GRB14: variants seen among roughly 807,000 people sequenced by gnomAD.
The protein encoded by GRB14 is growth factor receptor-bound protein 14.
A neutral mutation model predicts 69.1 loss-of-function variants in GRB14; 38 were observed. That is an observed-to-expected ratio of 0.55 (90% confidence interval 0.42 to 0.72). The LOEUF (loss-of-function observed/expected upper bound fraction) is 0.72, where lower values mean the gene tolerates loss of function less well. Ranked by LOEUF, GRB14 falls within the 30% of genes least tolerant of loss-of-function variation. The probability of loss-of-function intolerance (pLI) is 0.00; values close to 1 mark genes in which losing one functional copy is unlikely to be tolerated. For synonymous variants in GRB14, 247 were observed against 241.3 expected, an observed-to-expected ratio of 1.02 and a Z score of -0.22; for missense variants, 666 against 666.1, an observed-to-expected ratio of 1.00 and a Z score of 0.00.
intron 1 of GRB14, among the ~76,000 whole-genome samples, chr2:164,620,389 C>T (rs1690426765): frequency 6.6e-6 from 1 of 151,848 alleles, no homozygotes; most frequent in Non-Finnish European, 1.5e-5. Context: ...TTTTCAAGCG[C>T]TTATAGATAT....
intron 3 of GRB14, among the ~76,000 whole-genome samples, chr2:164,530,630 G>A (rs1236411732): frequency 3.3e-5 from 5 of 151,500 alleles, no homozygotes; most frequent in African/African-American, 1.2e-4. Flanking sequence ...GAGAGGAGAA[G>A]CAAGAAAAAA....
At chr2:164,573,880 T>A (rs558727774) in intron 2 of GRB14, 448 of 1,612,708 alleles carry the variant, frequency 2.8e-4, no homozygotes, top group Non-Finnish European at 3.6e-4. Flanking sequence ...CAAGACTGGA[T>A]GCCAAGATTG....
chr2:164,550,269 C>T (rs1688501474), intron 2 of GRB14, among the ~76,000 whole-genome samples: 1 of 152,088 alleles, frequency 6.6e-6, no homozygotes, highest in African/African-American at 2.4e-5. Flanking sequence ...ACTACAAAGG[C>T]CTAGAGGAAA....
chr2:164,543,890 T>C (rs900462312), intron 3 of GRB14, among the ~76,000 whole-genome samples: 3 of 152,240 alleles, frequency 2.0e-5, no homozygotes, highest in East Asian at 3.8e-4. Context: ...CTGAGGAAGA[T>C]GACAGTACCT....
At chr2:164,580,187 C>T (rs1338981599) in intron 2 of GRB14, among the ~76,000 whole-genome samples, 2 of 151,590 alleles carry the variant, frequency 1.3e-5, no homozygotes, top group African/African-American at 4.8e-5. Context: ...CTCTGCCTCC[C>T]GGGTTCAAGT....
intron 2 of GRB14, among the ~76,000 whole-genome samples, chr2:164,557,220 G>A (rs1441472355): frequency 6.6e-6 from 1 of 152,164 alleles, no homozygotes; most frequent in African/African-American, 2.4e-5. Flanking sequence ...ACTAAATGGA[G>A]AGCAGAAGGG....
intron 3 of GRB14, among the ~76,000 whole-genome samples, chr2:164,540,869 GT>G (rs1279220991): frequency 3.3e-5 from 5 of 152,174 alleles, no homozygotes; most frequent in Non-Finnish European, 7.3e-5. Flanking sequence ...TTGCTAAACT[GT>G]TTGGGTAACG....
intron 2 of GRB14, among the ~76,000 whole-genome samples, chr2:164,577,000 C>A (rs1689266871): frequency 6.6e-6 from 1 of 151,788 alleles, no homozygotes; most frequent in African/African-American, 2.4e-5. Flanking sequence ...ACTACTTCCC[C>A]CAATTTTATG....
chr2:164,570,626 A>G (rs1379120905), intron 2 of GRB14, among the ~76,000 whole-genome samples: 1 of 152,168 alleles, frequency 6.6e-6, no homozygotes, highest in Non-Finnish European at 1.5e-5. Context: ...TGAAAAGTGA[A>G]TAGAGGTGAG....
intron 3 of GRB14, among the ~76,000 whole-genome samples, chr2:164,542,895 C>T (rs1688275891): frequency 1.3e-5 from 2 of 152,180 alleles, no homozygotes; most frequent in Non-Finnish European, 1.5e-5. Context: ...ACTGGGCATA[C>T]ATCCAAAATA....
intron 5 of GRB14, among the ~76,000 whole-genome samples, chr2:164,523,732 A>G (rs919716555): frequency 6.6e-6 from 1 of 152,148 alleles, no homozygotes; most frequent in Non-Finnish European, 1.5e-5. Context: ...AAACCTTTTA[A>G]AAAGGGGAAA....
At chr2:164,574,724 G>A (rs1431385625) in intron 2 of GRB14, among the ~76,000 whole-genome samples, 4 of 152,052 alleles carry the variant, frequency 2.6e-5, no homozygotes, top group Admixed American at 2.6e-4. Flanking sequence ...AGGATGGCTT[G>A]AGGTCAAGGA....
chr2:164,611,165 T>C (rs1449323412), intron 2 of GRB14, among the ~76,000 whole-genome samples: 1 of 152,208 alleles, frequency 6.6e-6, no homozygotes, highest in Non-Finnish European at 1.5e-5. Flanking sequence ...GAGAGTCCTG[T>C]CAAAGGAAGA....
chr2:164,514,968 T>C (rs1687441351), intron 6 of GRB14, among the ~76,000 whole-genome samples: 1 of 152,150 alleles, frequency 6.6e-6, no homozygotes, highest in Non-Finnish European at 1.5e-5. Flanking sequence ...ACCTGTATGA[T>C]GCAGCAGAGG....
intron 3 of GRB14, among the ~76,000 whole-genome samples, chr2:164,529,939 C>G (rs1428929168): frequency 6.6e-6 from 1 of 152,172 alleles, no homozygotes; most frequent in African/African-American, 2.4e-5. Flanking sequence ...ATGTCAAAAA[C>G]TCATCTTAGG....
chr2:164,514,901 G>A (rs947253309), intron 6 of GRB14, among the ~76,000 whole-genome samples: 2 of 152,124 alleles, frequency 1.3e-5, no homozygotes, highest in East Asian at 3.9e-4. Flanking sequence ...GAACTTCTGG[G>A]CTGCACAGGA....
chr2:164,610,700 T>C (rs1024134433), intron 2 of GRB14, among the ~76,000 whole-genome samples: 1 of 151,864 alleles, frequency 6.6e-6, no homozygotes, highest in Admixed American at 6.6e-5. Context: ...TCTTCAATAA[T>C]CCATTTACTC....
At chr2:164,548,357 C>A (rs955862178) in intron 2 of GRB14, among the ~76,000 whole-genome samples, 1 of 152,092 alleles carries the variant, frequency 6.6e-6, no homozygotes, top group Non-Finnish European at 1.5e-5. Context: ...TTTTTTAAGG[C>A]TGAATAGTAT....
chr2:164,600,743 A>T (rs1363900596), intron 2 of GRB14, among the ~76,000 whole-genome samples: 4 of 152,330 alleles, frequency 2.6e-5, no homozygotes, highest in Admixed American at 6.5e-5. Flanking sequence ...TATATTGACA[A>T]GTAAAATAAA....
Sources: allele counts gnomAD v4.1 joint callset (sites outside exome capture counted in the v4.1 genomes callset), GRCh38; gene constraint gnomAD v4.1.1; transcripts MANE v1.5; gene names NCBI Gene and HGNC (gene_info 2026-07-23, HGNC 2026-07-21).